The following UBR1 variants were observed in gnomAD, a reference collection of about 807,000 sequenced individuals.
UBR1 encodes ubiquitin protein ligase E3 component n-recognin 1, also known as E3 ubiquitin-protein ligase UBR1.
Under a neutral mutation model 242.1 loss-of-function variants are expected in UBR1, and 102 were observed. The observed-to-expected ratio is 0.42, with a 90% CI of 0.36 to 0.50. The LOEUF is 0.50. Among genes scored for constraint, UBR1 ranks in the 20% least tolerant of loss-of-function variants. The pLI is 0.01. For missense variants in UBR1, 1,772 were observed against 2,101.8 expected (o/e 0.84, Z 3.07); for synonymous variants, 675 against 684.8 (o/e 0.99, Z 0.22).
rs374815480 is a variant in UBR1, at chr15:43,027,803, T to C, written c.2405A>G (p.Asn802Ser). The C allele has an allele frequency of 1.5e-5, 24 of 1,612,718 alleles. No individual in the cohort carries two copies. In the African/African-American group the frequency reaches 2.8e-4, roughly 19 times the overall value. ...ENENNETGLE[N>S]VINKVATFKK... is the part of the protein sequence containing the mutation. ...AAATGTGGCCACTTTGTTTATGACA[T>C]TCTCTAAGCCAGTTTCATTATTTTC... Residue 802 changes from asparagine (N) to serine (S), a missense_variant, in exon 22 of 47, where the codon AAT becomes AGT. Coordinates refer to ENST00000290650, the MANE Select transcript of UBR1 (RefSeq NM_174916.3).
intron 1 of UBR1, among the ~76,000 whole-genome samples, chr15:43,103,593 G>A (rs1210374537): frequency 5.9e-5 from 9 of 152,076 alleles, no homozygotes; most frequent in South Asian, 2.1e-4. Flanking sequence ...TAATTCATAC[G>A]TATTATTTTA....
At position 43,056,346 on chromosome 15, in the gene UBR1, G is replaced by T. The variant is rs895175651; in HGVS notation, c.1279C>A (p.Leu427Met). 1.2e-6 allele frequency: 2 copies of T among 1,603,456 alleles called. No individual in the cohort carries two copies. Among genetic ancestry groups the T allele is most frequent in the African/African-American group, 2.7e-5 (2 of 74,744 alleles). ...GAAAAGGAATAATCAATACATACCA[G>T]AGTAGGAACAGTAAACATCTGAACT... ...LSVQMFTVPTLARHLIEEQNV... is the reference protein window; with the variant it reads ...LSVQMFTVPTMARHLIEEQNV... Residue 427 changes from leucine (L) to methionine (M), a missense_variant and splice_region_variant, in exon 11 of 47, where the codon CTG becomes ATG. Physicochemically the swap from Leu to Met is conservative, Grantham distance 15. This residue lies in a region of UBR1 where 734 missense variants were observed against 893.3 expected (regional missense o/e 0.82). Coordinates refer to ENST00000290650, the MANE Select transcript of UBR1 (RefSeq NM_174916.3).
At chr15:43,033,521 G>A (rs1235653087) in intron 19 of UBR1, among the ~76,000 whole-genome samples, 3 of 152,152 alleles carry the variant, frequency 2.0e-5, no homozygotes, top group African/African-American at 7.2e-5. Flanking sequence ...GCATGCGCCT[G>A]TAATCCCAGC....
chr15:43,070,866 T>G lies in UBR1; in HGVS notation c.588A>C (p.Ser196=), dbSNP rs200217429. The change falls in exon 5 of 47, where the codon TCA becomes TCC. Residue 196 remains serine (S), a synonymous_variant. Transcript: ENST00000290650. Reference sequence around the variant, plus strand: ...TCATTTCTACGACATATTTTATCACTGAAGGAAATATTTTCCTGGCTTGGA... The same window carrying G: ...TCATTTCTACGACATATTTTATCACGGAAGGAAATATTTTCCTGGCTTGGA... ...VIVQARKIFP[S]VIKYVVEMTI... 5.5e-5 allele frequency: 88 copies of G among 1,613,778 alleles called. 1 individual carries two copies. The highest frequency in any genetic ancestry group is 7.6e-6 in the Non-Finnish European group (9 of 1,179,990).
intron 16 of UBR1, 57 bp from the exon 17 acceptor site, chr15:43,037,940 A>G: frequency 6.7e-7 from 1 of 1,487,614 alleles, no homozygotes; most frequent in South Asian, 1.2e-5. Context: ...TGTGTCTCCA[A>G]GTTATGCCAC....
chr15:43,096,270 T>A (rs1248568577), intron 1 of UBR1, among the ~76,000 whole-genome samples: 2 of 151,908 alleles, frequency 1.3e-5, no homozygotes, highest in Non-Finnish European at 2.9e-5. Flanking sequence ...GCCTGCCGGA[T>A]TGAAGCAATT....
At chr15:43,044,891 T>C (rs2033464808) in intron 14 of UBR1, among the ~76,000 whole-genome samples, 1 of 151,348 alleles carries the variant, frequency 6.6e-6, no homozygotes, top group Admixed American at 6.6e-5. Flanking sequence ...CGAGACTCCA[T>C]CTCAAAGGAA....
chr15:43,003,137 T>C (rs999099462), intron 31 of UBR1: 19 of 207,076 alleles, frequency 9.2e-5, no homozygotes, highest in Non-Finnish European at 1.8e-4. Flanking sequence ...TTTCCAGAGA[T>C]AGAACGAGAA....
At chr15:42,973,836 T>A (rs773058730) in intron 39 of UBR1, among the ~76,000 whole-genome samples, 2 of 151,924 alleles carry the variant, frequency 1.3e-5, no homozygotes, top group Non-Finnish European at 2.9e-5. Flanking sequence ...ATCTAAAAAG[T>A]CATCTCCATA....
intron 42 of UBR1, among the ~76,000 whole-genome samples, chr15:42,961,423 CTTTTTTT>C (rs766721149): frequency 7.6e-6 from 1 of 131,896 alleles, no homozygotes; most frequent in Non-Finnish European, 1.6e-5. Flanking sequence ...CTATGTTCCT[CTTTTTTT>C]TTTTTTTTTT....
intron 24 of UBR1, 40 bp downstream of exon 24, chr15:43,025,341 A>C: frequency 6.3e-7 from 1 of 1,582,264 alleles, no homozygotes; most frequent in East Asian, 2.2e-5. Flanking sequence ...AAACCACAGA[A>C]AATAGTCAAA....
chr15:43,052,542 G>A (rs2033569133), intron 12 of UBR1, among the ~76,000 whole-genome samples: 1 of 152,120 alleles, frequency 6.6e-6, no homozygotes, highest in South Asian at 2.1e-4. Flanking sequence ...TTCATGCTGA[G>A]GTACAGTCAG....
chr15:42,977,682 CTTT>C (rs201655415), intron 38 of UBR1, among the ~76,000 whole-genome samples, 195 bp downstream of exon 38: 3 of 124,188 alleles, frequency 2.4e-5, no homozygotes, highest in Non-Finnish European at 3.5e-5. Context: ...AATTGAAGTG[CTTT>C]TTTTTTTTTT....
At chr15:43,033,562 G>T (rs922609788) in intron 19 of UBR1, among the ~76,000 whole-genome samples, 1 of 152,162 alleles carries the variant, frequency 6.6e-6, no homozygotes, top group Admixed American at 6.5e-5. Flanking sequence ...GCTGAGGCAG[G>T]AGAATCCCTT....
At chr15:43,034,605 A>C (rs1481663113) in intron 19 of UBR1, among the ~76,000 whole-genome samples, 1 of 152,134 alleles carries the variant, frequency 6.6e-6, no homozygotes, top group East Asian at 1.9e-4. Flanking sequence ...CTGAAGAAAA[A>C]CATGTTGTTG....
chr15:43,073,959 A>G (rs2033856082), intron 4 of UBR1, among the ~76,000 whole-genome samples: 1 of 152,236 alleles, frequency 6.6e-6, no homozygotes, highest in South Asian at 2.1e-4. Flanking sequence ...AAGAGCGCAA[A>G]AACTATTTAT....
intron 41 of UBR1, among the ~76,000 whole-genome samples, chr15:42,964,556 A>C (rs897792300): frequency 6.6e-6 from 1 of 152,164 alleles, no homozygotes; most frequent in Non-Finnish European, 1.5e-5. Flanking sequence ...AATTGTATCG[A>C]GTCACTCTCC....
chr15:43,081,417 C>CAAAAAAAAA (rs71108197), intron 3 of UBR1, among the ~76,000 whole-genome samples: 4 of 69,708 alleles, frequency 5.7e-5, no homozygotes, highest in Admixed American at 2.0e-4. Context: ...CACCCCATCT[C>CAAAAAAAAA]AAAAAAAAAA....
At chr15:42,982,349 G>A (rs1596084641) in intron 37 of UBR1, among the ~76,000 whole-genome samples, 1 of 152,100 alleles carries the variant, frequency 6.6e-6, no homozygotes, top group African/African-American at 2.4e-5. Flanking sequence ...AACAGAAAGA[G>A]GTCCTAAAAA....
Sources: gnomAD v4.1 joint callset for allele counts (sites outside exome capture counted in the v4.1 genomes callset) on GRCh38, gnomAD v4.1.1 for gene constraint, gnomAD v4.1.1 regional missense constraint, MANE v1.5 for transcripts, NCBI Gene and HGNC (gene_info 2026-07-23, HGNC 2026-07-21) for gene names.